Variants in SPIDR observed in about 807,000 individuals in gnomAD.
The protein encoded by SPIDR is DNA repair-scaffolding protein.
SPIDR carries 93 observed loss-of-function variants against 104.6 expected under a neutral mutation model. The observed-to-expected ratio is 0.89, with a 90% CI of 0.75 to 1.06. The LOEUF is 1.06. Ranked by LOEUF, SPIDR falls within the 50% of genes least tolerant of loss-of-function variation. The pLI is 0.00. For synonymous variants in SPIDR, 431 were observed against 416.9 expected (o/e 1.03, Z -0.41); for missense variants, 1,154 against 1,111.2 (o/e 1.04, Z -0.55).
chr8:47,654,052 G>C, intron 10 of SPIDR: 1 of 1,289,504 alleles, frequency 7.8e-7, no homozygotes, highest in Non-Finnish European at 1.0e-6. Flanking sequence ...AGACAGATAG[G>C]GGCGTGGTAG....
intron 8 of SPIDR, among the ~76,000 whole-genome samples, chr8:47,528,714 G>A (rs1044639471): frequency 1.3e-5 from 2 of 151,696 alleles, no homozygotes; most frequent in Non-Finnish European, 2.9e-5. Context: ...AAGAATTAGT[G>A]AGCTTGAAGA....
intron 19 of SPIDR, 65 bp from the exon 20 acceptor site, chr8:47,735,242 C>T (rs1283662852): frequency 2.6e-6 from 4 of 1,521,250 alleles, no homozygotes; most frequent in African/African-American, 1.4e-5. Flanking sequence ...TCTGGTTTTC[C>T]GTGTTGTTGG....
intron 10 of SPIDR, among the ~76,000 whole-genome samples, chr8:47,664,529 A>G (rs1288145648): frequency 6.6e-6 from 1 of 152,178 alleles, no homozygotes; most frequent in East Asian, 1.9e-4. Context: ...GTTGTTGAAA[A>G]GAACAACAAC....
At chr8:47,707,386 G>A (rs2081248650) in intron 14 of SPIDR, among the ~76,000 whole-genome samples, 1 of 151,866 alleles carries the variant, frequency 6.6e-6, no homozygotes, top group Non-Finnish European at 1.5e-5. Context: ...TGTCCTCTTT[G>A]GTAAAATCCC....
chr8:47,696,241 T>C (rs963051551), intron 11 of SPIDR, among the ~76,000 whole-genome samples: 1 of 152,218 alleles, frequency 6.6e-6, no homozygotes. Context: ...TGGTCTCAAG[T>C]TGGTTCTCTT....
At chr8:47,342,925 G>C (rs1161155765) in intron 5 of SPIDR, among the ~76,000 whole-genome samples, 1 of 152,132 alleles carries the variant, frequency 6.6e-6, no homozygotes, top group African/African-American at 2.4e-5. Flanking sequence ...GTCGCATCTA[G>C]GGTTCTGTTT....
chr8:47,391,287 C>A (rs1554651817), intron 5 of SPIDR, among the ~76,000 whole-genome samples: 1 of 152,138 alleles, frequency 6.6e-6, no homozygotes, highest in Non-Finnish European at 1.5e-5. Context: ...CCTGTAATCC[C>A]AGCACTTTGG....
intron 8 of SPIDR, among the ~76,000 whole-genome samples, chr8:47,507,135 A>G (rs1009121415): frequency 1.3e-5 from 2 of 152,182 alleles, no homozygotes; most frequent in African/African-American, 4.8e-5. Flanking sequence ...ATCCACCCAT[A>G]TGCCTCTTCC....
chr8:47,489,382 C>G (rs1488401842), intron 8 of SPIDR, among the ~76,000 whole-genome samples: 3 of 152,108 alleles, frequency 2.0e-5, no homozygotes, highest in Non-Finnish European at 2.9e-5. Context: ...AACATTCCAT[C>G]CTCGTGGATA....
intron 10 of SPIDR, chr8:47,660,968 G>A (rs2074022940): frequency 1.0e-6 from 1 of 985,176 alleles, no homozygotes; most frequent in African/African-American, 1.7e-5. Context: ...CACTTAACTG[G>A]GTGTGAAACA....
chr8:47,465,338 A>T (rs1554716309), intron 8 of SPIDR, among the ~76,000 whole-genome samples: 1 of 151,812 alleles, frequency 6.6e-6, no homozygotes, highest in East Asian at 1.9e-4. Flanking sequence ...TACCATCATG[A>T]TGACAGGATC....
chr8:47,674,879 G>A (rs921236303), intron 11 of SPIDR, among the ~76,000 whole-genome samples: 3 of 152,284 alleles, frequency 2.0e-5, no homozygotes, highest in East Asian at 1.9e-4. Flanking sequence ...CTGTGGCACC[G>A]TACTGCTGAG....
chr8:47,404,343 G>A (rs1554665874), intron 6 of SPIDR, among the ~76,000 whole-genome samples: 1 of 152,198 alleles, frequency 6.6e-6, no homozygotes, highest in Non-Finnish European at 1.5e-5. Flanking sequence ...AGCCAAAATT[G>A]ACAAGTGGGA....
chr8:47,735,437 C>G lies in SPIDR; in HGVS notation c.2735C>G (p.Ser912Cys). The G allele has an allele frequency of 1.2e-6, 2 of 1,614,172 alleles. No homozygotes were observed. Among genetic ancestry groups the G allele is most frequent in the Non-Finnish European group, 1.7e-6 (2 of 1,180,046 alleles). The change falls in exon 20 of 20, where the codon TCT becomes TGT. Residue 912 changes from serine (S) to cysteine (C), a missense_variant. Physicochemically the swap from Ser to Cys is moderately radical, Grantham distance 112 (BLOSUM62 -1). Transcript: ENST00000297423. ...EIELLSAGGA[S>C]AEH ...GAGCTTCTGAGTGCAGGAGGGGCCT[C>G]TGCAGAACACTAGCGGTTGCCGCAG...
At chr8:47,381,243 T>G (rs1008188823) in intron 5 of SPIDR, among the ~76,000 whole-genome samples, 1 of 152,224 alleles carries the variant, frequency 6.6e-6, no homozygotes, top group Non-Finnish European at 1.5e-5. Context: ...ATGTGTTACA[T>G]GAATAAATTT....
chr8:47,684,697 T>TG (rs1303000020), intron 11 of SPIDR, among the ~76,000 whole-genome samples: 2 of 152,244 alleles, frequency 1.3e-5, no homozygotes, highest in Admixed American at 6.5e-5. Context: ...CAGCCAGCAC[T>TG]GACCCAAGAC....
intron 5 of SPIDR, among the ~76,000 whole-genome samples, chr8:47,346,973 A>T (rs538765934): frequency 3.3e-5 from 5 of 151,886 alleles, no homozygotes; most frequent in Non-Finnish European, 5.9e-5. Flanking sequence ...CTCTGATCTT[A>T]GTTATTTCTT....
chr8:47,375,728 C>T (rs1427849909), intron 5 of SPIDR, among the ~76,000 whole-genome samples: 2 of 152,096 alleles, frequency 1.3e-5, no homozygotes, highest in Admixed American at 6.6e-5. Context: ...GCTGAGACTA[C>T]AGGTGCGCAC....
chr8:47,498,914 G>C (rs2079885993), intron 8 of SPIDR, among the ~76,000 whole-genome samples: 1 of 152,138 alleles, frequency 6.6e-6, no homozygotes, highest in African/African-American at 2.4e-5. Context: ...ATGACGTACT[G>C]AATAAACAGT....
Sources: allele counts gnomAD v4.1 joint callset (sites outside exome capture counted in the v4.1 genomes callset), GRCh38; gene constraint gnomAD v4.1.1; transcripts MANE v1.5; gene names NCBI Gene and HGNC (gene_info 2026-07-23, HGNC 2026-07-21).